CRMP1: variants seen among roughly 807,000 people sequenced by gnomAD.
The protein encoded by CRMP1 is collapsin response mediator protein 1.
CRMP1 carries 19 observed loss-of-function variants against 68.3 expected under a neutral mutation model. The observed-to-expected ratio is 0.28, with a 90% confidence interval of 0.19 to 0.41. The LOEUF (loss-of-function observed/expected upper bound fraction) is 0.41, where lower values mean the gene tolerates loss of function less well. Among genes scored for constraint, CRMP1 ranks in the 10% least tolerant of loss-of-function variants. The pLI is 1.00. For synonymous variants in CRMP1, 439 were observed against 399.6 expected (o/e 1.10, Z -1.18); for missense variants, 791 against 967.4 (o/e 0.82, Z 2.42).
Position 5,821,860 on chromosome 4 carries a change from G to C in CRMP1, c.1970-9C>G, listed in dbSNP as rs762274875. 6.3e-6 allele frequency: 10 copies of C among 1,599,132 alleles called. No individual in the cohort carries two copies. In the African/African-American group the frequency reaches 9.4e-5, roughly 15 times the overall value. On this transcript the variant is annotated splice_polypyrimidine_tract_variant and intron_variant, in intron 13 of 13. Transcript: ENST00000324989. This position sits in a 1 kb window ranked among gnomAD's most constrained non-coding sequence, Gnocchi z 4.4. ...GTCATCTATCTGGGCACCTGAAAGA[G>C]AGCGCCAATCGCTGCTGGATGGGAT...
At chr4:5,885,695 C>T (rs1715536611) in intron 1 of CRMP1, among the ~76,000 whole-genome samples, 1 of 152,156 alleles carries the variant, frequency 6.6e-6, no homozygotes, top group Non-Finnish European at 1.5e-5. Flanking sequence ...TTCTTCCGCC[C>T]CGCCGTATGA....
rs999149958 is a variant in CRMP1, at chr4:5,883,222, G to C, written c.381+9367C>G. On this transcript the variant is annotated intron_variant, in intron 1 of 13. Coordinates refer to ENST00000324989, the MANE Select transcript of CRMP1 (RefSeq NM_001014809.3). The surrounding 1 kb of genome is among the most constrained non-coding windows in gnomAD (Gnocchi z 4.5). ...TCTGACACCTGTGCCCTGTTCCGCA[G>C]CCTGCCTGCTTTCCTTCCTTCCTTC... Among the ~76,000 whole-genome samples, 9 of 143,234 alleles carry C rather than the reference G, an allele frequency of 6.3e-5. No homozygotes were observed. The highest frequency in any genetic ancestry group is 2.4e-4 in the African/African-American group (9 of 37,784). 94.0% of individuals were successfully genotyped at this position (143,234 alleles called of 152,430 possible). A position where few individuals can be genotyped will look rare whatever the true frequency, so the allele number is the denominator to read the frequency against.
At chr4:5,828,723 T>C in intron 11 of CRMP1, 55 bp from the exon 12 acceptor site, 2 of 1,571,070 alleles carry the variant, frequency 1.3e-6, no homozygotes, top group Non-Finnish European at 1.7e-6. Context: ...CCAAACGAGC[T>C]GTTCATAACA....
In CRMP1 at chr4:5,825,974, A is replaced by C; in HGVS notation, c.1804-315T>G. On this transcript the variant is annotated intron_variant, in intron 12 of 13. Coordinates refer to ENST00000324989, the MANE Select transcript of CRMP1 (RefSeq NM_001014809.3). The surrounding 1 kb of genome is among the most constrained non-coding windows in gnomAD (Gnocchi z 4.4). Reference sequence around the variant, plus strand: ...TATATGCATGCACATGCAGTAACAAAACAGGCCTACACAGTAGCATACACG... The same window carrying C: ...TATATGCATGCACATGCAGTAACAACACAGGCCTACACAGTAGCATACACG... The C allele has an allele frequency of 4.9e-6, 2 of 404,410 alleles. No individual in the cohort carries two copies. Among genetic ancestry groups the C allele is most frequent in the Non-Finnish European group, 8.9e-6 (2 of 224,622 alleles). 25.1% of individuals were successfully genotyped at this position (404,410 alleles called of 1,614,324 possible). A position where few individuals can be genotyped will look rare whatever the true frequency, so the allele number is the denominator to read the frequency against.
chr4:5,830,900 T>G (rs1452981154), intron 11 of CRMP1, among the ~76,000 whole-genome samples: 1 of 152,228 alleles, frequency 6.6e-6, no homozygotes, highest in Non-Finnish European at 1.5e-5. Flanking sequence ...TTCACTATAT[T>G]GGATCTTCTC....
At chr4:5,856,389 T>TCACCATCATTACCATCAC in intron 3 of CRMP1, 82 bp from the exon 4 acceptor site, 1 of 1,267,678 alleles carries the variant, frequency 7.9e-7, no homozygotes, top group Non-Finnish European at 1.1e-6. Flanking sequence ...ACCACCATCA[T>TCACCATCATTACCATCAC]CACCATCATT....
intron 12 of CRMP1, among the ~76,000 whole-genome samples, chr4:5,827,076 T>C (rs757149529): frequency 2.6e-5 from 4 of 152,200 alleles, no homozygotes; most frequent in East Asian, 1.9e-4. Context: ...CTTCACCTGG[T>C]CTAGCTCCTG....
At chr4:5,835,782 G>A (rs758253962) in intron 11 of CRMP1, 133 bp downstream of exon 11, 116 of 1,081,294 alleles carry the variant, frequency 1.1e-4, no homozygotes, top group Non-Finnish European at 1.2e-4. Context: ...AGGAGAAATG[G>A]GAATGACTGA....
chr4:5,889,691 CTCA>C lies in CRMP1; in HGVS notation c.381+2895_381+2897del. 6.5e-7 allele frequency: 1 copy of C among 1,536,114 alleles called. No individual in the cohort carries two copies. The highest frequency in any genetic ancestry group is 8.7e-7 in the Non-Finnish European group (1 of 1,146,876). On this transcript the variant is annotated intron_variant, in intron 1 of 13. Coordinates refer to ENST00000324989, the MANE Select transcript of CRMP1 (RefSeq NM_001014809.3). The surrounding 1 kb of genome is among the most constrained non-coding windows in gnomAD (Gnocchi z 4.5). Reference sequence around the variant, plus strand: ...CAACCCCACAGGTCCTATGAAACTACTCATCTTTTCTGCTTTCAAGTTGCCATC... The same window carrying C: ...CAACCCCACAGGTCCTATGAAACTACTCTTTTCTGCTTTCAAGTTGCCATC...
rs1718551129 is a variant in CRMP1, at chr4:5,821,507, T to G, written c.*253A>C. ...GACAATGCTAAAACCTGTGGTTCAC[T>G]AGGAAGGGGGAATGAAAACACCATG... On this transcript the variant is annotated 3_prime_UTR_variant, in exon 14 of 14. Coordinates refer to ENST00000324989, the MANE Select transcript of CRMP1 (RefSeq NM_001014809.3). The surrounding 1 kb of genome is among the most constrained non-coding windows in gnomAD (Gnocchi z 4.4). The G allele has an allele frequency of 7.6e-6, 4 of 528,036 alleles. No individual in the cohort carries two copies. The highest frequency in any genetic ancestry group is 3.1e-5 in the Admixed American group (1 of 32,462). 32.7% of individuals were successfully genotyped at this position (528,036 alleles called of 1,614,324 possible).
In CRMP1 at chr4:5,861,143, T is replaced by A; in HGVS notation, c.538A>T (p.Ile180Phe). 6.2e-7 allele frequency: 1 copy of A among 1,614,234 alleles called. No homozygotes were observed. The highest frequency in any genetic ancestry group is 8.5e-7 in the Non-Finnish European group (1 of 1,180,044). ...GTGTTGACATCAATACCTCCGGGAA[T>A]AACCATCCGCCCGTTGGCTTCAATG... ...KTIEANGRMV[I>F]PGGIDVNTYL... The change falls in exon 3 of 14, where the codon ATT becomes TTT. Residue 180 changes from isoleucine to phenylalanine, a missense_variant. By Grantham distance (21) the Ile-to-Phe change is conservative (BLOSUM62 0). Around this residue, in one of 3 missense-constraint regions of CRMP1, gnomAD observed 594 missense variants for 763.6 expected, o/e 0.78. Coordinates refer to ENST00000324989, the MANE Select transcript of CRMP1 (RefSeq NM_001014809.3). The surrounding 1 kb of genome is among the most constrained non-coding windows in gnomAD (Gnocchi z 6.0).
Position 5,856,378 on chromosome 4 carries a change from TACCACCATC to T in CRMP1, c.656-80_656-72del, listed in dbSNP as rs1577798677. The T allele has an allele frequency of 4.0e-6, 5 of 1,251,708 alleles. No individual in the cohort carries two copies. The East Asian group carries it at 1.2e-4, about 29-fold the overall frequency. The allele number at this position is 1,251,708 out of a possible 1,614,324, so 77.5% of individuals were successfully genotyped here. ...CCAATGGTAGCCACATCATTACCAC[TACCACCATC>T]ATCACCATCATTACCATCACCACCA... is the stretch of plus-strand genomic sequence containing the variant. On this transcript the variant is annotated intron_variant, in intron 3 of 13. Coordinates refer to ENST00000324989, the MANE Select transcript of CRMP1 (RefSeq NM_001014809.3).
At position 5,889,674 on chromosome 4, in the gene CRMP1, C is replaced by T; in HGVS notation, c.381+2915G>A. The stretch of plus-strand genomic sequence containing the variant: ...TTTCTGCATGCGAAATCCAACCCCA[C>T]AGGTCCTATGAAACTACTCATCTTT... On this transcript the variant is annotated intron_variant, in intron 1 of 13. Transcript: ENST00000324989. The surrounding 1 kb of genome is among the most constrained non-coding windows in gnomAD (Gnocchi z 4.5). The T allele has an allele frequency of 6.5e-7, 1 of 1,536,162 alleles. No individual in the cohort carries two copies. The highest frequency in any genetic ancestry group is 8.7e-7 in the Non-Finnish European group (1 of 1,146,914).
In CRMP1 at chr4:5,821,719, T is replaced by A. The variant is rs775760953; in HGVS notation, c.*41A>T. The A allele has an allele frequency of 1.3e-6, 2 of 1,541,562 alleles. No homozygotes were observed. Among genetic ancestry groups the A allele is most frequent in the South Asian group, 2.4e-5 (2 of 84,850 alleles). On this transcript the variant is annotated 3_prime_UTR_variant, in exon 14 of 14. Coordinates refer to ENST00000324989, the MANE Select transcript of CRMP1 (RefSeq NM_001014809.3). The surrounding 1 kb of genome is among the most constrained non-coding windows in gnomAD (Gnocchi z 4.4). Reference sequence around the variant, plus strand: ...CTGACAGGAAAAGGGATGGACATGATTCCCAGAATCCTTCAGGCTAGCTCC... The same window carrying A: ...CTGACAGGAAAAGGGATGGACATGAATCCCAGAATCCTTCAGGCTAGCTCC...
At chr4:5,830,742 AC>A (rs1720312512) in intron 11 of CRMP1, among the ~76,000 whole-genome samples, 1 of 152,008 alleles carries the variant, frequency 6.6e-6, no homozygotes, top group Non-Finnish European at 1.5e-5. Context: ...GATGACTGAT[AC>A]CCCCGGGCCC....
Position 5,860,878 on chromosome 4 carries a change from A to T in CRMP1, c.655+148T>A. 1 of 752,258 alleles carries T rather than the reference A, an allele frequency of 1.3e-6. No individual in the cohort carries two copies. The highest frequency in any genetic ancestry group is 2.1e-6 in the Non-Finnish European group (1 of 479,038). 46.6% of individuals were successfully genotyped at this position (752,258 alleles called of 1,614,324 possible). Reference sequence around the variant, plus strand: ...GCACACACGGTATGCTCTGTAAAACAGTGACCTGTGTCATAGGGCTGGGGG... The same window carrying T: ...GCACACACGGTATGCTCTGTAAAACTGTGACCTGTGTCATAGGGCTGGGGG... On this transcript the variant is annotated intron_variant, in intron 3 of 13. Transcript: ENST00000324989. The surrounding 1 kb of genome is among the most constrained non-coding windows in gnomAD (Gnocchi z 4.2).
chr4:5,827,851 G>A (rs1171255291), intron 12 of CRMP1, among the ~76,000 whole-genome samples: 3 of 152,290 alleles, frequency 2.0e-5, no homozygotes, highest in Admixed American at 6.5e-5. Flanking sequence ...GGCCACGGGC[G>A]GGAGTCTCTC....
In CRMP1 at chr4:5,863,648, ACT is replaced by A. The variant is rs890886442; in HGVS notation, c.471-2440_471-2439del. Among the ~76,000 whole-genome samples the A allele has an allele frequency of 7.2e-5, 11 of 151,848 alleles. No homozygotes were observed. In the South Asian group the frequency reaches 8.4e-4, roughly 12 times the overall value. On this transcript the variant is annotated intron_variant, in intron 2 of 13. Transcript: ENST00000324989. ...ACCATCACCTCCCGGTGCAGAAGAAACTCTCAACCACCGGCACTAGATTCACC... is the reference window on the plus strand; with the variant it reads ...ACCATCACCTCCCGGTGCAGAAGAAACTCAACCACCGGCACTAGATTCACC...
At chr4:5,851,363 G>C in intron 5 of CRMP1, 45 bp downstream of exon 5, 1 of 1,584,018 alleles carries the variant, frequency 6.3e-7, no homozygotes, top group Non-Finnish European at 8.7e-7. Flanking sequence ...AGCTGGCCCA[G>C]TCCTGCCCAG....
Sources: allele counts gnomAD v4.1 joint callset (sites outside exome capture counted in the v4.1 genomes callset), GRCh38; gene constraint gnomAD v4.1.1; regional missense constraint gnomAD v4.1.1; non-coding constraint Gnocchi (gnomAD v3.1); transcripts MANE v1.5; gene names NCBI Gene and HGNC (gene_info 2026-07-23, HGNC 2026-07-21).